PKHD1L1: variants seen among roughly 807,000 people sequenced by gnomAD.
The protein encoded by PKHD1L1 is fibrocystin-L.
A neutral mutation model predicts 462.9 loss-of-function variants in PKHD1L1; 434 were observed. The observed-to-expected ratio is 0.94, with a 90% confidence interval of 0.87 to 1.02. PKHD1L1 has a LOEUF of 1.02. Ranked by LOEUF, PKHD1L1 falls within the 50% of genes least tolerant of loss-of-function variation. PKHD1L1 has a pLI of 0.00. For missense variants in PKHD1L1, 5,202 were observed against 5,096.1 expected, an observed-to-expected ratio of 1.02 and a Z score of -0.63; for synonymous variants, 1,781 against 1,750.0, an observed-to-expected ratio of 1.02 and a Z score of -0.44.
Position 109,382,556 on chromosome 8 carries a change from G to A in PKHD1L1, c.402G>A (p.Trp134Ter). 1 of 1,609,482 alleles carries A rather than the reference G, an allele frequency of 6.2e-7. No homozygotes were observed. Among genetic ancestry groups the A allele is most frequent in the Non-Finnish European group, 8.5e-7 (1 of 1,177,566 alleles). ...NNTCKGHINSWECTFNAKSFR... is the reference protein window; with the variant it reads ...NNTCKGHINS ...CCTGCAAAGGTCACATCAACAGCTGGGAATGTACCTTCAACGTATGTAGGA... is the reference window on the plus strand; with the variant it reads ...CCTGCAAAGGTCACATCAACAGCTGAGAATGTACCTTCAACGTATGTAGGA... The change falls in exon 4 of 78, where the codon TGG becomes TGA. Residue 134 changes from tryptophan to a stop codon, truncating the protein, a stop_gained. Coordinates refer to ENST00000378402, the MANE Select transcript of PKHD1L1 (RefSeq NM_177531.6). LOFTEE classifies it high-confidence loss of function.
chr8:109,390,467 G>A lies in PKHD1L1; in HGVS notation c.713G>A (p.Ser238Asn), dbSNP rs1339282537. ...TAAATTCCAGGTCATCACAATGTCAGCTTCATCTTAGATAATGATTATGGA... is the reference window on the plus strand; with the variant it reads ...TAAATTCCAGGTCATCACAATGTCAACTTCATCTTAGATAATGATTATGGA... ...TGTFIGHHNV[S>N]FILDNDYGRS... is the part of the protein sequence containing the mutation. The change falls in exon 9 of 78, where the codon AGC (serine) becomes AAC (asparagine). Residue 238 changes from serine (S) to asparagine (N), a missense_variant. Coordinates refer to ENST00000378402, the MANE Select transcript of PKHD1L1 (RefSeq NM_177531.6). The A allele has an allele frequency of 1.4e-6, 2 of 1,444,744 alleles. No homozygotes were observed. Among genetic ancestry groups the A allele is most frequent in the African/African-American group, 1.4e-5 (1 of 69,820 alleles). The allele number at this position is 1,444,744 out of a possible 1,614,324, so 89.5% of individuals were successfully genotyped here. A position where few individuals can be genotyped will look rare whatever the true frequency, so the allele number is the denominator to read the frequency against.
intron 2 of PKHD1L1, among the ~76,000 whole-genome samples, chr8:109,365,121 T>C (rs1276113779): frequency 6.6e-6 from 1 of 152,212 alleles, no homozygotes; most frequent in Non-Finnish European, 1.5e-5. Flanking sequence ...ATGAGTACCG[T>C]ACATGGTTCC....
intron 57 of PKHD1L1, among the ~76,000 whole-genome samples, chr8:109,484,220 C>CT (rs1818415782): frequency 6.6e-6 from 1 of 151,918 alleles, no homozygotes; most frequent in Admixed American, 6.6e-5. Context: ...GGTGTGATTA[C>CT]TTTTTGAAGA....
At position 109,438,308 on chromosome 8, in the gene PKHD1L1, T is replaced by C. The variant is rs1387780673; in HGVS notation, c.3628-16T>C. On this transcript the variant is annotated splice_polypyrimidine_tract_variant and intron_variant, in intron 30 of 77. Coordinates refer to ENST00000378402, the MANE Select transcript of PKHD1L1 (RefSeq NM_177531.6). ...TCAACAATTAATATTTTCTAATTTT[T>C]TTCCTCTTATTTTAGAAAACTGAGG... is the stretch of plus-strand genomic sequence containing the variant. 5.5e-6 allele frequency: 8 copies of C among 1,448,490 alleles called. No homozygotes were observed. The highest frequency in any genetic ancestry group is 1.4e-5 in the African/African-American group (1 of 69,216). 89.7% of individuals were successfully genotyped at this position (1,448,490 alleles called of 1,614,324 possible).
chr8:109,380,190 A>G (rs961168412), intron 2 of PKHD1L1, among the ~76,000 whole-genome samples: 2 of 149,658 alleles, frequency 1.3e-5, no homozygotes, highest in African/African-American at 5.1e-5. Flanking sequence ...CTTGTATTAA[A>G]TCTTAGCAGA....
intron 2 of PKHD1L1, among the ~76,000 whole-genome samples, chr8:109,376,381 T>C (rs953746718): frequency 3.9e-5 from 6 of 152,152 alleles, no homozygotes; most frequent in African/African-American, 1.4e-4. Flanking sequence ...TGACCTGATT[T>C]TCCAGGTGCC....
At chr8:109,459,952 A>AT in intron 47 of PKHD1L1, 116 bp downstream of exon 47, 90 of 822,516 alleles carry the variant, frequency 1.1e-4, no homozygotes, top group Non-Finnish European at 1.4e-4. Context: ...CATTAAATAT[A>AT]ATTTAATGAT....
At chr8:109,479,084 A>T (rs530560215) in intron 53 of PKHD1L1, among the ~76,000 whole-genome samples, 1 of 152,252 alleles carries the variant, frequency 6.6e-6, no homozygotes, top group African/African-American at 2.4e-5. Flanking sequence ...AAGGGCTATG[A>T]TTGTGCATAT....
At position 109,388,097 on chromosome 8, in the gene PKHD1L1, A is replaced by T. The variant is rs183303879; in HGVS notation, c.570-400A>T. 3.4e-3 allele frequency among the ~76,000 whole-genome samples: 521 copies of T among 152,300 alleles called. 9 individuals carry two copies. Among genetic ancestry groups the T allele is most frequent in the Non-Finnish European group, 2.2e-3 (147 of 68,022 alleles). The stretch of plus-strand genomic sequence containing the variant: ...TGCTGTTTACCTTAATTCCTATAGT[A>T]CAAAACCTATTACAAAATTGTTTTT... On this transcript the variant is annotated intron_variant, in intron 6 of 77. Coordinates refer to ENST00000378402, the MANE Select transcript of PKHD1L1 (RefSeq NM_177531.6).
chr8:109,498,783 G>A lies in PKHD1L1; in HGVS notation c.10828+12G>A, dbSNP rs769089154. The A allele has an allele frequency of 6.4e-7, 1 of 1,564,228 alleles. No homozygotes were observed. The highest frequency in any genetic ancestry group is 8.8e-7 in the Non-Finnish European group (1 of 1,140,594). On this transcript the variant is annotated intron_variant, in intron 67 of 77. Transcript: ENST00000378402. ...TTTGGACATCTCAGGCAAGTACACAGTCTTTTACAAATCTTCTCAATTAAT... is the reference window on the plus strand; with the variant it reads ...TTTGGACATCTCAGGCAAGTACACAATCTTTTACAAATCTTCTCAATTAAT...
intron 20 of PKHD1L1, among the ~76,000 whole-genome samples, chr8:109,412,810 A>G (rs1813929164): frequency 6.6e-6 from 1 of 152,136 alleles, no homozygotes; most frequent in Non-Finnish European, 1.5e-5. Context: ...GTGAAACAAA[A>G]TTAGGAGCAG....
At chr8:109,394,278 A>G (rs1215049839) in intron 9 of PKHD1L1, 137 bp from the exon 10 acceptor site, 4 of 529,070 alleles carry the variant, frequency 7.6e-6, no homozygotes, top group Non-Finnish European at 1.3e-5. Context: ...AATCAAAATA[A>G]AGAACATTCT....
Position 109,425,239 on chromosome 8 carries a change from G to A in PKHD1L1, c.2845+7G>A. On this transcript the variant is annotated splice_region_variant and intron_variant, in intron 24 of 77. Coordinates refer to ENST00000378402, the MANE Select transcript of PKHD1L1 (RefSeq NM_177531.6). ...TATGGACATATTCTTAAAGGTATAT[G>A]AAAAAAATTTAAAATATTGGTGTAT... 1.3e-6 allele frequency: 2 copies of A among 1,562,352 alleles called. No individual in the cohort carries two copies. Among genetic ancestry groups the A allele is most frequent in the African/African-American group, 1.4e-5 (1 of 71,938 alleles).
intron 63 of PKHD1L1, among the ~76,000 whole-genome samples, chr8:109,495,568 A>G (rs1236489075): frequency 6.6e-6 from 1 of 152,116 alleles, no homozygotes; most frequent in East Asian, 1.9e-4. Flanking sequence ...ATAGTGATAT[A>G]CACTGGGTTC....
At chr8:109,453,461 A>G (rs1563561793) in intron 43 of PKHD1L1, among the ~76,000 whole-genome samples, 2 of 152,180 alleles carry the variant, frequency 1.3e-5, no homozygotes. Context: ...ATTGCATGTA[A>G]AAGAATCATT....
intron 71 of PKHD1L1, among the ~76,000 whole-genome samples, chr8:109,511,962 T>G (rs1820011695): frequency 6.6e-6 from 1 of 152,238 alleles, no homozygotes; most frequent in Non-Finnish European, 1.5e-5. Flanking sequence ...GAGCATTTTT[T>G]CATGCGTTTT....
intron 32 of PKHD1L1, among the ~76,000 whole-genome samples, chr8:109,439,553 T>C (rs944965882): frequency 3.9e-5 from 6 of 152,086 alleles, no homozygotes; most frequent in African/African-American, 1.4e-4. Context: ...AGTAAGAGTC[T>C]ATAATAGAGA....
At chr8:109,505,450 C>T (rs58602890) in intron 68 of PKHD1L1, among the ~76,000 whole-genome samples, 4,300 of 151,998 alleles carry the variant, frequency 0.028, 128 homozygotes, top group African/African-American at 0.073. Context: ...GATTCTAAGC[C>T]GTAGAATAAT....
chr8:109,410,726 C>CTTTTTTTTTTTTTTTTTTGTTTTT (rs1813800320), intron 19 of PKHD1L1, among the ~76,000 whole-genome samples: 6 of 68,400 alleles, frequency 8.8e-5, no homozygotes, highest in South Asian at 5.0e-4. Flanking sequence ...TTTTCTTTTT[C>CTTTTTTTTTTTTTTTTTTGTTTTT]TTTTTTTTTT....
Sources: gnomAD v4.1 joint callset for allele counts (sites outside exome capture counted in the v4.1 genomes callset) on GRCh38, gnomAD v4.1.1 for gene constraint, MANE v1.5 for transcripts, NCBI Gene and HGNC (gene_info 2026-07-23, HGNC 2026-07-21) for gene names.